PLD5: variants seen among roughly 807,000 people sequenced by gnomAD.
PLD5 encodes the protein inactive phospholipase D5.
A neutral mutation model predicts 61.1 loss-of-function variants in PLD5; 36 were observed. The observed-to-expected ratio is 0.59, with a 90% confidence interval of 0.45 to 0.78. The LOEUF is 0.78. PLD5 is among the 30% of genes least tolerant of loss of function. The probability of loss-of-function intolerance (pLI) is 0.00; values close to 1 mark genes in which losing one functional copy is unlikely to be tolerated. For synonymous variants in PLD5, 243 were observed against 242.8 expected, an observed-to-expected ratio of 1.00 and a Z score of -0.01; for missense variants, 515 against 644.4, an observed-to-expected ratio of 0.80 and a Z score of 2.17.
intron 5 of PLD5, among the ~76,000 whole-genome samples, chr1:242,153,687 C>A (rs1027760262): frequency 3.3e-5 from 5 of 152,106 alleles, no homozygotes; most frequent in South Asian, 4.2e-4. Context: ...ATTTCTGAGG[C>A]CTCTGTTCTG....
chr1:242,417,271 T>G (rs1053213997), intron 1 of PLD5, among the ~76,000 whole-genome samples: 1 of 152,180 alleles, frequency 6.6e-6, no homozygotes, highest in African/African-American at 2.4e-5. Flanking sequence ...GAGGCAGGGC[T>G]TGGACACTGG....
At chr1:242,367,588 T>C (rs1430175548) in intron 1 of PLD5, among the ~76,000 whole-genome samples, 1 of 152,136 alleles carries the variant, frequency 6.6e-6, no homozygotes, top group Admixed American at 6.6e-5. Flanking sequence ...ACTCAGTCTC[T>C]CCTATGAAAC....
intron 2 of PLD5, among the ~76,000 whole-genome samples, chr1:242,302,445 T>C (rs1282343449): frequency 6.6e-6 from 1 of 152,176 alleles, no homozygotes; most frequent in East Asian, 1.9e-4. Flanking sequence ...CAGCTGGGCA[T>C]GGTGGCTCAC....
intron 1 of PLD5, among the ~76,000 whole-genome samples, chr1:242,455,098 A>T (rs944093703): frequency 5.3e-5 from 8 of 152,180 alleles, no homozygotes; most frequent in Admixed American, 2.6e-4. Context: ...TGTTCAAAAT[A>T]AGCTTCAGAA....
At chr1:242,343,526 A>G (rs1422090470) in intron 2 of PLD5, among the ~76,000 whole-genome samples, 2 of 151,230 alleles carry the variant, frequency 1.3e-5, no homozygotes, top group East Asian at 4.0e-4. Context: ...GCTTCTGCAG[A>G]CCAGTGGATT....
chr1:242,197,201 A>T (rs1668686888), intron 5 of PLD5, among the ~76,000 whole-genome samples: 1 of 151,992 alleles, frequency 6.6e-6, no homozygotes, highest in African/African-American at 2.4e-5. Context: ...CCCCTTCCTT[A>T]CTGCCACTGG....
intron 4 of PLD5, among the ~76,000 whole-genome samples, chr1:242,240,524 G>A (rs956138617): frequency 3.9e-5 from 6 of 152,120 alleles, no homozygotes; most frequent in African/African-American, 1.2e-4. Context: ...CTTCTTTCTA[G>A]GTTTGGTGAG....
chr1:242,449,781 TC>T (rs1370321941), intron 1 of PLD5, among the ~76,000 whole-genome samples: 1 of 152,152 alleles, frequency 6.6e-6, no homozygotes. Context: ...TCCACACACC[TC>T]CAACCTGAGC....
intron 3 of PLD5, among the ~76,000 whole-genome samples, chr1:242,270,762 C>G (rs1574644763): frequency 6.6e-6 from 1 of 152,268 alleles, no homozygotes; most frequent in East Asian, 1.9e-4. Flanking sequence ...CTCCCTAAAC[C>G]CAAGGCTGGG....
At chr1:242,408,708 T>G (rs1664374712) in intron 1 of PLD5, among the ~76,000 whole-genome samples, 1 of 152,264 alleles carries the variant, frequency 6.6e-6, no homozygotes, top group Non-Finnish European at 1.5e-5. Flanking sequence ...TCTTTATAGA[T>G]TACCCAGTCT....
At chr1:242,407,103 C>A (rs1251915396) in intron 1 of PLD5, among the ~76,000 whole-genome samples, 2 of 152,092 alleles carry the variant, frequency 1.3e-5, no homozygotes, top group Non-Finnish European at 2.9e-5. Flanking sequence ...GGTAATTGAA[C>A]CCTGGGGGCG....
chr1:242,228,321 G>A (rs983663982), intron 4 of PLD5, among the ~76,000 whole-genome samples: 1 of 152,194 alleles, frequency 6.6e-6, no homozygotes, highest in Admixed American at 6.5e-5. Context: ...GTGAGTTGAT[G>A]TTATGTGCAG....
chr1:242,212,797 T>A (rs1050860866), intron 5 of PLD5, among the ~76,000 whole-genome samples: 2 of 152,202 alleles, frequency 1.3e-5, no homozygotes, highest in African/African-American at 4.8e-5. Flanking sequence ...ATGCTAAGAT[T>A]TGAGTAAAAT....
At chr1:242,219,877 G>T in intron 5 of PLD5, 111 bp downstream of exon 5, 1 of 1,360,614 alleles carries the variant, frequency 7.3e-7, no homozygotes, top group East Asian at 2.3e-5. Context: ...CTACAGTTAA[G>T]AATAATAAAT....
At chr1:242,325,234 T>C (rs183258595) in intron 2 of PLD5, among the ~76,000 whole-genome samples, 4 of 151,966 alleles carry the variant, frequency 2.6e-5, no homozygotes, top group African/African-American at 9.7e-5. Context: ...ATTTATTATT[T>C]TCCAATCTTA....
At chr1:242,301,712 G>A (rs1322511780) in intron 2 of PLD5, among the ~76,000 whole-genome samples, 1 of 151,840 alleles carries the variant, frequency 6.6e-6, no homozygotes, top group African/African-American at 2.4e-5. Flanking sequence ...TGCAACAGTT[G>A]TAACACTGTG....
intron 3 of PLD5, among the ~76,000 whole-genome samples, chr1:242,277,819 C>T (rs552106969): frequency 1.3e-4 from 20 of 151,872 alleles, no homozygotes; most frequent in Admixed American, 3.3e-4. Flanking sequence ...CTCATCTCTA[C>T]TGAAAATACA....
Position 242,084,684 on chromosome 1 carries a change from G to T in PLD5, c.*5170C>A, listed in dbSNP as rs1430441043. On this transcript the variant is annotated 3_prime_UTR_variant, in exon 10 of 10. Coordinates refer to ENST00000536534, the MANE Select transcript of PLD5 (RefSeq NM_001372062.1). ...AGCAGACACTAGGTTCTCTAGTGGG[G>T]TCTCTATGATTGTTTCTTTTTCTCA... The T allele has an allele frequency of 6.7e-6, 1 of 150,316 alleles. No individual in the cohort carries two copies. Among genetic ancestry groups the T allele is most frequent in the Non-Finnish European group, 1.5e-5 (1 of 67,844 alleles). The allele number at this position is 150,316 out of a possible 1,614,324, so 9.3% of individuals were successfully genotyped here.
intron 2 of PLD5, among the ~76,000 whole-genome samples, 165 bp from the exon 3 acceptor site, chr1:242,288,695 T>G (rs1165420294): frequency 6.6e-6 from 1 of 152,234 alleles, no homozygotes; most frequent in Non-Finnish European, 1.5e-5. Flanking sequence ...CTTCTTACAT[T>G]TAACCTCTAC....
Sources: gnomAD v4.1 joint callset for allele counts (sites outside exome capture counted in the v4.1 genomes callset) on GRCh38, gnomAD v4.1.1 for gene constraint, MANE v1.5 for transcripts, NCBI Gene and HGNC (gene_info 2026-07-23, HGNC 2026-07-21) for gene names.